Variants in HS6ST2 observed in about 807,000 individuals in gnomAD.
The protein encoded by HS6ST2 is heparan-sulfate 6-O-sulfotransferase 2.
HS6ST2 carries 17 observed loss-of-function variants against 33.0 expected under a neutral mutation model. The ratio of observed to expected loss-of-function variants is 0.52; its 90% confidence interval spans 0.35 to 0.77. The LOEUF is 0.77. Ranked by LOEUF, HS6ST2 falls within the 30% of genes least tolerant of loss-of-function variation. The probability of loss-of-function intolerance (pLI) is 0.01; values close to 1 mark genes in which losing one functional copy is unlikely to be tolerated. For synonymous variants in HS6ST2, 248 were observed against 237.1 expected, an observed-to-expected ratio of 1.05 and a Z score of -0.42; for missense variants, 519 against 551.7, an observed-to-expected ratio of 0.94 and a Z score of 0.59.
intron 2 of HS6ST2, among the ~76,000 whole-genome samples, chrX:132,857,243 T>C (rs192196917): frequency 8.9e-6 from 1 of 111,976 alleles, no homozygotes; most frequent in Non-Finnish European, 1.9e-5. Context: ...CCCAGCACTT[T>C]GGGAGGCCAA....
At chrX:132,656,640 T>A (rs772186712) in intron 4 of HS6ST2, among the ~76,000 whole-genome samples, 3 of 111,899 alleles carry the variant, frequency 2.7e-5, no homozygotes, top group African/African-American at 9.7e-5. Flanking sequence ...TCTGTATGCC[T>A]TTGCAAACTC....
chrX:132,760,745 T>C (rs1284186525), intron 2 of HS6ST2, among the ~76,000 whole-genome samples: 2 of 111,072 alleles, frequency 1.8e-5, no homozygotes, highest in Admixed American at 1.9e-4. Flanking sequence ...GGCGAGTAAA[T>C]GCCCACCTTT....
intron 2 of HS6ST2, among the ~76,000 whole-genome samples, chrX:132,813,314 C>T (rs1356401953): frequency 9.0e-6 from 1 of 111,498 alleles, no homozygotes; most frequent in Non-Finnish European, 1.9e-5. Flanking sequence ...TCCCTTCTCC[C>T]ATGATTTAGA....
chrX:132,733,654 A>G (rs943771677), intron 2 of HS6ST2, among the ~76,000 whole-genome samples: 1 of 111,343 alleles, frequency 9.0e-6, no homozygotes, highest in Non-Finnish European at 1.9e-5. Flanking sequence ...CAGAACAGCA[A>G]AAAGCTTTAG....
intron 2 of HS6ST2, among the ~76,000 whole-genome samples, chrX:132,836,926 TATAGAATTA>T (rs2065648887): frequency 8.9e-6 from 1 of 111,982 alleles, no homozygotes; most frequent in African/African-American, 3.2e-5. Context: ...TTGTGTGTCC[TATAGAATTA>T]AAAATTCTAG....
At chrX:132,765,746 C>T (rs1027012192) in intron 2 of HS6ST2, among the ~76,000 whole-genome samples, 2 of 112,343 alleles carry the variant, frequency 1.8e-5, no homozygotes, top group Non-Finnish European at 3.8e-5. Context: ...CCACTGCACC[C>T]GGCCCTAGAT....
intron 2 of HS6ST2, among the ~76,000 whole-genome samples, chrX:132,712,349 G>A (rs62599005): frequency 0.15 from 16,887 of 111,418 alleles, 1,350 homozygotes; most frequent in Middle Eastern, 0.24. Context: ...GCCAAATACA[G>A]TAGTATATCC....
intron 2 of HS6ST2, among the ~76,000 whole-genome samples, chrX:132,956,412 G>C: frequency 9.0e-6 from 1 of 111,055 alleles, no homozygotes; most frequent in East Asian, 2.9e-4. Context: ...AGGAGACTTC[G>C]GAACCCGGGT....
At chrX:132,784,719 C>T (rs1438848364) in intron 2 of HS6ST2, among the ~76,000 whole-genome samples, 1 of 111,722 alleles carries the variant, frequency 9.0e-6, no homozygotes, top group Non-Finnish European at 1.9e-5. Flanking sequence ...TAAACAAGAG[C>T]CCCCTCTTCT....
chrX:132,733,289 G>A (rs1449032886), intron 2 of HS6ST2, among the ~76,000 whole-genome samples: 1 of 110,482 alleles, frequency 9.1e-6, no homozygotes, highest in Non-Finnish European at 1.9e-5. Context: ...GGAGTTATTT[G>A]CTCATTGACA....
At chrX:132,885,355 A>G (rs924281154) in intron 2 of HS6ST2, among the ~76,000 whole-genome samples, 2 of 111,542 alleles carry the variant, frequency 1.8e-5, no homozygotes, top group African/African-American at 6.5e-5. Flanking sequence ...AGTCACACAG[A>G]GCTGTGTACT....
At chrX:132,719,887 G>T (rs781108633) in intron 2 of HS6ST2, among the ~76,000 whole-genome samples, 3 of 112,230 alleles carry the variant, frequency 2.7e-5, no homozygotes, top group Non-Finnish European at 3.8e-5. Flanking sequence ...CAACTCCTTC[G>T]TAACCACAGA....
At chrX:132,875,655 G>T (rs1242571634) in intron 2 of HS6ST2, among the ~76,000 whole-genome samples, 22 of 112,198 alleles carry the variant, frequency 2.0e-4, no homozygotes, top group Non-Finnish European at 5.6e-5. Context: ...GGGGAGCCTC[G>T]ATGAATGGCA....
rs140413810 is a variant in HS6ST2 at position 132,646,424 on chromosome X, C to G, written c.1068-17331G>C. ...TGGCATGTGCCTGTAGTCCCTGATACTTGGGACGCTGAAGTGGGAGGACCA... is the reference window on the plus strand; with the variant it reads ...TGGCATGTGCCTGTAGTCCCTGATAGTTGGGACGCTGAAGTGGGAGGACCA... On this transcript the variant is annotated intron_variant, in intron 4 of 4. Coordinates refer to ENST00000370833, the MANE Select transcript of HS6ST2 (RefSeq NM_001394073.1). Among the ~76,000 whole-genome samples, 987 of 108,871 alleles carry G rather than the reference C, an allele frequency of 9.1e-3. 11 individuals are homozygous for G. Among genetic ancestry groups the G allele is most frequent in the African/African-American group, 0.031 (933 of 29,726 alleles). 94.5% of individuals were successfully genotyped at this position (108,871 alleles called of 115,157 possible). A position where few individuals can be genotyped will look rare whatever the true frequency, so the allele number is the denominator to read the frequency against.
chrX:132,817,321 A>C (rs1423080230), intron 2 of HS6ST2, among the ~76,000 whole-genome samples: 1 of 110,829 alleles, frequency 9.0e-6, no homozygotes, highest in African/African-American at 3.3e-5. Flanking sequence ...TCAGGAAATG[A>C]AACATCACAT....
At chrX:132,771,086 C>A (rs1391124650) in intron 2 of HS6ST2, among the ~76,000 whole-genome samples, 1 of 111,184 alleles carries the variant, frequency 9.0e-6, no homozygotes, top group Non-Finnish European at 1.9e-5. Flanking sequence ...GAGGCATGGA[C>A]TATGCCAACA....
upstream of HS6ST2, among the ~76,000 whole-genome samples, chrX:132,961,048 G>A (rs746739666): frequency 3.7e-5 from 4 of 108,240 alleles, no homozygotes; most frequent in African/African-American, 1.4e-4. Context: ...GCTCCCAGGA[G>A]CCAGTTCCTC....
At chrX:132,777,277 G>A (rs762940292) in intron 2 of HS6ST2, among the ~76,000 whole-genome samples, 4 of 108,311 alleles carry the variant, frequency 3.7e-5, no homozygotes, top group Admixed American at 2.0e-4. Context: ...TGTCTAGCAC[G>A]GTGCTGAGTA....
intron 2 of HS6ST2, among the ~76,000 whole-genome samples, chrX:132,821,316 C>T (rs2065454771): frequency 9.4e-6 from 1 of 106,607 alleles, no homozygotes; most frequent in African/African-American, 3.4e-5. Flanking sequence ...GGGTTCACGC[C>T]ATTCTCCTTC....
Sources: allele counts gnomAD v4.1 joint callset (sites outside exome capture counted in the v4.1 genomes callset), GRCh38; gene constraint gnomAD v4.1.1; transcripts MANE v1.5; gene names NCBI Gene and HGNC (gene_info 2026-07-23, HGNC 2026-07-21).